The following PLA2G7 variants were observed in gnomAD, a reference collection of about 807,000 sequenced individuals.
PLA2G7 encodes the protein phospholipase A2 group VII.
In PLA2G7, 63 loss-of-function variants were observed where a neutral mutation model predicts 49.6. The ratio of observed to expected loss-of-function variants is 1.27; its 90% confidence interval spans 1.04 to 1.57. The LOEUF (loss-of-function observed/expected upper bound fraction) is 1.57, where lower values mean the gene tolerates loss of function less well. Among genes scored for constraint, PLA2G7 ranks in the 40% most tolerant of loss-of-function variants. The pLI, the probability that PLA2G7 is intolerant of heterozygous loss-of-function variation, is 0.00. For synonymous variants in PLA2G7, 193 were observed against 169.9 expected, an observed-to-expected ratio of 1.14 and a Z score of -1.06; for missense variants, 596 against 521.2, an observed-to-expected ratio of 1.14 and a Z score of -1.40.
rs1172978654 is a variant in PLA2G7, at chr6:46,705,257, C to T, written c.1085G>A (p.Gly362Asp). ...QNFADFTFAT[G>D]KIIGHMLKLK... ...TTTGAGCATGTGTCCAATTATTTTG[C>T]CAGTTGCAAAAGTGAAGTCAGCAAA... The change falls in exon 11 of 12, where the codon GGC (glycine) becomes GAC (aspartate). Residue 362 changes from glycine to aspartate, a missense_variant. Transcript: ENST00000274793. 1 of 1,611,404 alleles carries T rather than the reference C, an allele frequency of 6.2e-7. No individual in the cohort carries two copies. Among genetic ancestry groups the T allele is most frequent in the African/African-American group, 1.3e-5 (1 of 74,834 alleles).
intron 1 of PLA2G7, among the ~76,000 whole-genome samples, chr6:46,727,357 C>A (rs1765606827): frequency 6.6e-6 from 1 of 152,180 alleles, no homozygotes; most frequent in Non-Finnish European, 1.5e-5. Flanking sequence ...ACAGATAAAC[C>A]ATCCAAGTAA....
intron 1 of PLA2G7, among the ~76,000 whole-genome samples, chr6:46,734,415 TGAGAGAGAGAGAGAGAGAGAGAGAGAGA>T (rs70996386): frequency 0.018 from 981 of 54,298 alleles, 171 homozygotes; most frequent in African/African-American, 0.039. Flanking sequence ...TGTGTGTGTG[TGAGAGAGAGAGAGAGAGAGAGAGAGAGA>T]GAGAGAGAGA....
At chr6:46,717,427 T>C (rs1765247419) in intron 2 of PLA2G7, among the ~76,000 whole-genome samples, 1 of 152,226 alleles carries the variant, frequency 6.6e-6, no homozygotes, top group Non-Finnish European at 1.5e-5. Context: ...TTCCTAAACA[T>C]GAACTTTATT....
At chr6:46,721,420 G>T (rs966845112) in intron 2 of PLA2G7, among the ~76,000 whole-genome samples, 1 of 151,864 alleles carries the variant, frequency 6.6e-6, no homozygotes, top group African/African-American at 2.4e-5. Flanking sequence ...ATAAAGCAAC[G>T]TCCCTGTCCT....
chr6:46,727,795 A>G (rs538028149), intron 1 of PLA2G7, among the ~76,000 whole-genome samples: 2 of 152,340 alleles, frequency 1.3e-5, no homozygotes, highest in African/African-American at 4.8e-5. Context: ...GGCATGAGCT[A>G]TAACATGTGG....
intron 1 of PLA2G7, 143 bp downstream of exon 1, chr6:46,735,037 A>G (rs890811187): frequency 7.9e-5 from 12 of 152,150 alleles, no homozygotes; most frequent in African/African-American, 2.7e-4. Flanking sequence ...GGCTGCAGGG[A>G]CTGTGAGCCC....
At chr6:46,732,942 T>C (rs1390901455) in intron 1 of PLA2G7, among the ~76,000 whole-genome samples, 1 of 152,230 alleles carries the variant, frequency 6.6e-6, no homozygotes, top group Non-Finnish European at 1.5e-5. Flanking sequence ...TCTCAACATC[T>C]TGAGACGTCA....
At chr6:46,730,790 A>G (rs958090790) in intron 1 of PLA2G7, among the ~76,000 whole-genome samples, 1 of 152,226 alleles carries the variant, frequency 6.6e-6, no homozygotes, top group African/African-American at 2.4e-5. Context: ...TTCTGGCTTC[A>G]AGGAGAGATG....
At chr6:46,712,451 G>A (rs1025662132) in intron 5 of PLA2G7, 114 bp from the exon 6 acceptor site, 1 of 753,268 alleles carries the variant, frequency 1.3e-6, no homozygotes, top group Non-Finnish European at 2.4e-6. Context: ...GTGCCCTGGG[G>A]TGGAGTGGAG....
intron 3 of PLA2G7, 84 bp from the exon 4 acceptor site, chr6:46,716,612 G>T (rs1765210909): frequency 7.1e-7 from 1 of 1,399,212 alleles, no homozygotes. Flanking sequence ...TTAATTAGTG[G>T]GGACTCAAAT....
chr6:46,713,714 G>A (rs1018910451), intron 5 of PLA2G7, among the ~76,000 whole-genome samples: 1 of 152,158 alleles, frequency 6.6e-6, no homozygotes, highest in African/African-American at 2.4e-5. Flanking sequence ...AAGTGAAGAG[G>A]GTGGTTGTTG....
intron 2 of PLA2G7, among the ~76,000 whole-genome samples, chr6:46,720,981 C>T (rs949889356): frequency 6.6e-6 from 1 of 152,096 alleles, no homozygotes; most frequent in Admixed American, 6.6e-5. Flanking sequence ...AAAGAATCAC[C>T]TATTATTTTA....
At chr6:46,713,817 G>A (rs2150698208) in intron 5 of PLA2G7, among the ~76,000 whole-genome samples, 1 of 152,242 alleles carries the variant, frequency 6.6e-6, no homozygotes, top group East Asian at 1.9e-4. Flanking sequence ...CCATCACCAT[G>A]GTCAAGTGGA....
chr6:46,729,783 C>G (rs1476951275), intron 1 of PLA2G7, among the ~76,000 whole-genome samples: 1 of 152,178 alleles, frequency 6.6e-6, no homozygotes, highest in East Asian at 1.9e-4. Flanking sequence ...ATAGCACACC[C>G]CAGTTGTGGC....
intron 2 of PLA2G7, among the ~76,000 whole-genome samples, chr6:46,718,668 C>T (rs1765293316): frequency 6.6e-6 from 1 of 152,222 alleles, no homozygotes; most frequent in South Asian, 2.1e-4. Flanking sequence ...GGTCAGATGT[C>T]CTGTCTTCTC....
At chr6:46,731,240 T>C (rs577928937) in intron 1 of PLA2G7, among the ~76,000 whole-genome samples, 140 of 152,240 alleles carry the variant, frequency 9.2e-4, no homozygotes, top group Middle Eastern at 3.4e-3. Context: ...CTCTAAAACT[T>C]AGTGATAAAC....
In PLA2G7 at chr6:46,704,340, C is replaced by T. The variant is rs1226869180; in HGVS notation, c.*220G>A. On this transcript the variant is annotated 3_prime_UTR_variant, in exon 12 of 12. Coordinates refer to ENST00000274793, the MANE Select transcript of PLA2G7 (RefSeq NM_005084.4). ...ATGAATATTGTATACTGTATTCTTT[C>T]TTTACATCTAAAGGGAAAAAATTCT... The T allele has an allele frequency of 1.9e-6, 1 of 539,522 alleles. No individual in the cohort carries two copies. The highest frequency in any genetic ancestry group is 3.1e-5 in the East Asian group (1 of 31,938). The allele number at this position is 539,522 out of a possible 1,614,324, so 33.4% of individuals were successfully genotyped here.
In PLA2G7 at chr6:46,717,073, G is replaced by GTACTTGTA; in HGVS notation, c.125_132dup (p.Leu45TyrfsTer4). The GTACTTGTA allele has an allele frequency of 6.2e-7, 1 of 1,613,556 alleles. No homozygotes were observed. The highest frequency in any genetic ancestry group is 1.1e-5 in the South Asian group (1 of 91,082). On this transcript the variant is annotated frameshift_variant, in exon 3 of 12. Coordinates refer to ENST00000274793, the MANE Select transcript of PLA2G7 (RefSeq NM_005084.4). LOFTEE classifies it high-confidence loss of function. ...TGGCCAAAGCTTGCAGCAGCCATCA[G>GTACTTGTA]TACTTGTATTTTGTTGACCCATGCT...
intron 1 of PLA2G7, among the ~76,000 whole-genome samples, chr6:46,727,083 T>G (rs73473221): frequency 6.6e-6 from 1 of 152,144 alleles, no homozygotes; most frequent in Admixed American, 6.5e-5. Flanking sequence ...AGCACTCAGA[T>G]AATACATTCC....
Sources: gnomAD v4.1 joint callset for allele counts (sites outside exome capture counted in the v4.1 genomes callset) on GRCh38, gnomAD v4.1.1 for gene constraint, MANE v1.5 for transcripts, NCBI Gene and HGNC (gene_info 2026-07-23, HGNC 2026-07-21) for gene names.